Variants in PLEK observed in about 807,000 individuals in gnomAD.
The protein encoded by PLEK is platelet 47 kDa protein.
Under a neutral mutation model 43.9 loss-of-function variants are expected in PLEK, and 25 were observed. The observed-to-expected ratio is 0.57, with a 90% CI of 0.41 to 0.79. The LOEUF is 0.79. Ranked by LOEUF, PLEK falls within the 30% of genes least tolerant of loss-of-function variation. The pLI is 0.00. For synonymous variants in PLEK, 152 were observed against 144.4 expected (o/e 1.05, Z -0.38); for missense variants, 396 against 413.3 (o/e 0.96, Z 0.36).
intron 1 of PLEK, among the ~76,000 whole-genome samples, chr2:68,376,311 T>C (rs776609251): frequency 3.3e-5 from 5 of 152,136 alleles, no homozygotes; most frequent in Non-Finnish European, 7.4e-5. Flanking sequence ...CAGCCTGAAA[T>C]GTACCAGGGG....
At chr2:68,381,013 G>T (rs1196275030) in intron 3 of PLEK, 109 bp downstream of exon 3, 33 of 926,414 alleles carry the variant, frequency 3.6e-5, no homozygotes, top group Non-Finnish European at 5.2e-5. Flanking sequence ...TATCCACTCT[G>T]CCAGGTCAAT....
chr2:68,375,027 T>C (rs1006331483), intron 1 of PLEK, among the ~76,000 whole-genome samples: 11 of 152,216 alleles, frequency 7.2e-5, no homozygotes, highest in African/African-American at 2.4e-4. Flanking sequence ...ACAATATGCA[T>C]TCATTTCTCT....
chr2:68,374,492 G>A (rs868818592), intron 1 of PLEK, among the ~76,000 whole-genome samples: 7 of 152,212 alleles, frequency 4.6e-5, no homozygotes, highest in African/African-American at 1.7e-4. Context: ...ACCCCTCCAT[G>A]GAGTTAACTA....
chr2:68,377,401 T>A (rs1673526616), intron 1 of PLEK, among the ~76,000 whole-genome samples: 1 of 152,244 alleles, frequency 6.6e-6, no homozygotes, highest in Non-Finnish European at 1.5e-5. Context: ...TGTACAAGTA[T>A]TGCCTTTTCT....
chr2:68,383,359 G>A (rs1247796373), intron 4 of PLEK, among the ~76,000 whole-genome samples: 1 of 152,178 alleles, frequency 6.6e-6, no homozygotes, highest in African/African-American at 2.4e-5. Flanking sequence ...TTCAAAAAAA[G>A]AGAAAGAACT....
intron 1 of PLEK, among the ~76,000 whole-genome samples, chr2:68,365,910 T>C (rs1305054939): frequency 1.3e-5 from 2 of 152,334 alleles, no homozygotes; most frequent in Admixed American, 6.5e-5. Context: ...CTTATCTTTT[T>C]TTAATTGGGC....
chr2:68,383,649 G>A (rs1006401974), intron 4 of PLEK, among the ~76,000 whole-genome samples: 1 of 152,112 alleles, frequency 6.6e-6, no homozygotes, highest in African/African-American at 2.4e-5. Flanking sequence ...CGGTTCATCA[G>A]GGGGAGCAAA....
chr2:68,365,406 G>T lies in PLEK; in HGVS notation c.42+13G>T. The T allele has an allele frequency of 6.2e-7, 1 of 1,611,126 alleles. No individual in the cohort carries two copies. Among genetic ancestry groups the T allele is most frequent in the Admixed American group, 1.7e-5 (1 of 60,000 alleles). ...CCTTGTGAAGAAGGTGAGCGAAGGT[G>T]CCACTTACCAGGGTGTCAGTGGACA... is the stretch of plus-strand genomic sequence containing the variant. On this transcript the variant is annotated intron_variant, in intron 1 of 8. Coordinates refer to ENST00000234313, the MANE Select transcript of PLEK (RefSeq NM_002664.3).
chr2:68,365,328 T>G lies in PLEK; in HGVS notation c.-24T>G. On this transcript the variant is annotated 5_prime_UTR_variant, in exon 1 of 9. Transcript: ENST00000234313. ...TGAGAGGAGTTGCCTGAGAGTGACC[T>G]TTGCATCTGCCTGTCCAGCCAGCAT... 1 of 1,612,064 alleles carries G rather than the reference T, an allele frequency of 6.2e-7. No individual in the cohort carries two copies. The highest frequency in any genetic ancestry group is 1.1e-5 in the South Asian group (1 of 91,040).
chr2:68,373,553 T>G (rs1402027820), intron 1 of PLEK, among the ~76,000 whole-genome samples: 1 of 150,620 alleles, frequency 6.6e-6, no homozygotes, highest in African/African-American at 2.4e-5. Flanking sequence ...GTTGTGCACA[T>G]GTACCCTAAA....
At chr2:68,368,598 A>G (rs576377361) in intron 1 of PLEK, among the ~76,000 whole-genome samples, 4 of 152,352 alleles carry the variant, frequency 2.6e-5, no homozygotes, top group Admixed American at 2.6e-4. Flanking sequence ...TAAAAACCTC[A>G]GCCTCCTTTC....
chr2:68,396,187 A>G lies in PLEK; in HGVS notation c.*371A>G. 2 of 192,984 alleles carry G rather than the reference A, an allele frequency of 1.0e-5. No individual in the cohort carries two copies. The highest frequency in any genetic ancestry group is 1.2e-4 in the East Asian group (1 of 8,590). The allele number at this position is 192,984 out of a possible 1,614,324, so 12.0% of individuals were successfully genotyped here. A position where few individuals can be genotyped will look rare whatever the true frequency, so the allele number is the denominator to read the frequency against. ...TCTGCCCCATGATTCTAACACTCGC[A>G]GTAGTGATAGTGTATCTAGTTGTTC... On this transcript the variant is annotated 3_prime_UTR_variant, in exon 9 of 9. Transcript: ENST00000234313.
At chr2:68,392,753 G>A (rs1673885561) in intron 6 of PLEK, among the ~76,000 whole-genome samples, 1 of 152,094 alleles carries the variant, frequency 6.6e-6, no homozygotes, top group Non-Finnish European at 1.5e-5. Context: ...TAATGCCTTT[G>A]GAATCCATTA....
At chr2:68,393,044 G>C in intron 6 of PLEK, 118 bp from the exon 7 acceptor site, 1 of 747,236 alleles carries the variant, frequency 1.3e-6, no homozygotes, top group East Asian at 2.5e-5. Context: ...CCTGGAGTTA[G>C]TATTTCATTT....
intron 7 of PLEK, among the ~76,000 whole-genome samples, 179 bp downstream of exon 7, chr2:68,393,424 T>C (rs747319182): frequency 7.0e-4 from 107 of 152,166 alleles, no homozygotes; most frequent in Admixed American, 2.8e-3. Flanking sequence ...AGATCTGAGA[T>C]CTTGGGCCTC....
At chr2:68,372,397 A>AG (rs1673426591) in intron 1 of PLEK, among the ~76,000 whole-genome samples, 1 of 152,234 alleles carries the variant, frequency 6.6e-6, no homozygotes, top group African/African-American at 2.4e-5. Context: ...GCTGGTCTCA[A>AG]ACTCCTGGCC....
intron 1 of PLEK, among the ~76,000 whole-genome samples, chr2:68,375,229 C>G (rs914739023): frequency 6.6e-6 from 1 of 152,154 alleles, no homozygotes; most frequent in African/African-American, 2.4e-5. Flanking sequence ...ATGCTAGGTA[C>G]TCTAGCAGGT....
chr2:68,396,014 C>T lies in PLEK; in HGVS notation c.*198C>T. The T allele has an allele frequency of 1.8e-6, 1 of 570,230 alleles. No individual in the cohort carries two copies. Among genetic ancestry groups the T allele is most frequent in the Non-Finnish European group, 3.2e-6 (1 of 314,982 alleles). The allele number at this position is 570,230 out of a possible 1,614,324, so 35.3% of individuals were successfully genotyped here. A position where few individuals can be genotyped will look rare whatever the true frequency, so the allele number is the denominator to read the frequency against. ...TGTATTGCTCACTGCAGCCCCTCTG[C>T]CCCTATCCATGACCCCCAAGCAGAT... is the stretch of plus-strand genomic sequence containing the variant. On this transcript the variant is annotated 3_prime_UTR_variant, in exon 9 of 9. Transcript: ENST00000234313.
At chr2:68,383,928 G>A (rs1673683606) in intron 4 of PLEK, among the ~76,000 whole-genome samples, 1 of 152,204 alleles carries the variant, frequency 6.6e-6, no homozygotes. Flanking sequence ...ACAAGGCAGG[G>A]CTGAGATTTG....
Sources: gnomAD v4.1 joint callset for allele counts (sites outside exome capture counted in the v4.1 genomes callset) on GRCh38, gnomAD v4.1.1 for gene constraint, MANE v1.5 for transcripts, NCBI Gene and HGNC (gene_info 2026-07-23, HGNC 2026-07-21) for gene names.